UBE3B: variants seen among roughly 807,000 people sequenced by gnomAD.
The protein encoded by UBE3B is ubiquitin protein ligase E3B, also known as ubiquitin-protein ligase E3B.
UBE3B carries 80 observed loss-of-function variants against 132.3 expected under a neutral mutation model. The observed-to-expected ratio is 0.60, with a 90% CI of 0.50 to 0.73. The LOEUF (loss-of-function observed/expected upper bound fraction) is 0.73, where lower values mean the gene tolerates loss of function less well. UBE3B is among the 30% of genes least tolerant of loss of function. UBE3B has a pLI of 0.00. For synonymous variants in UBE3B, 487 were observed against 520.4 expected, an observed-to-expected ratio of 0.94 and a Z score of 0.87; for missense variants, 1,196 against 1,362.5, an observed-to-expected ratio of 0.88 and a Z score of 1.92.
intron 26 of UBE3B, among the ~76,000 whole-genome samples, chr12:109,533,025 G>A (rs1883104773): frequency 6.6e-6 from 1 of 152,190 alleles, no homozygotes; most frequent in Admixed American, 6.5e-5. Flanking sequence ...CACGTGCAGT[G>A]GGTGCCACCA....
At chr12:109,516,379 G>A (rs542146835) in intron 18 of UBE3B, among the ~76,000 whole-genome samples, 2 of 152,098 alleles carry the variant, frequency 1.3e-5, no homozygotes, top group South Asian at 4.1e-4. Flanking sequence ...GTTTCACCAT[G>A]TTGGCCAGGC....
chr12:109,518,517 G>A (rs752425436), intron 19 of UBE3B, among the ~76,000 whole-genome samples: 27 of 152,140 alleles, frequency 1.8e-4, no homozygotes, highest in Non-Finnish European at 2.6e-4. Context: ...TTGTGTGGTA[G>A]GGACTCCCTT....
intron 18 of UBE3B, among the ~76,000 whole-genome samples, chr12:109,516,167 C>CTTTTTTT (rs59084691): frequency 1.2e-3 from 111 of 91,098 alleles, no homozygotes; most frequent in African/African-American, 2.6e-3. Context: ...TCTTTTTTTT[C>CTTTTTTT]TTTTTTTTTT....
chr12:109,490,976 T>C, intron 8 of UBE3B, 69 bp from the exon 9 acceptor site: 1 of 1,525,602 alleles, frequency 6.6e-7, no homozygotes, highest in South Asian at 1.2e-5. Flanking sequence ...GTTTACTTTT[T>C]TGCTCTTTTA....
Position 109,535,856 on chromosome 12 carries a change from C to T in UBE3B, c.*1074C>T, listed in dbSNP as rs1481390025. 1 of 152,112 alleles carries T rather than the reference C, an allele frequency of 6.6e-6. No homozygotes were observed. Among genetic ancestry groups the T allele is most frequent in the Non-Finnish European group, 1.5e-5 (1 of 68,018 alleles). 9.4% of individuals were successfully genotyped at this position (152,112 alleles called of 1,614,324 possible). ...ATTTCTCTTCCAACCCATTGTGTTC[C>T]TCTGCCCTCATTCTTTACCTTTGTT... On this transcript the variant is annotated 3_prime_UTR_variant, in exon 28 of 28. Coordinates refer to ENST00000342494, the MANE Select transcript of UBE3B (RefSeq NM_130466.4).
At chr12:109,529,628 C>T (rs996209671) in intron 24 of UBE3B, among the ~76,000 whole-genome samples, 3 of 152,166 alleles carry the variant, frequency 2.0e-5, no homozygotes, top group South Asian at 2.1e-4. Flanking sequence ...GGGCTTACCC[C>T]GAGGTGTGAC....
At chr12:109,509,557 T>C (rs1258136216) in intron 15 of UBE3B, 39 bp from the exon 16 acceptor site, 2 of 1,433,262 alleles carry the variant, frequency 1.4e-6, no homozygotes, top group Admixed American at 2.2e-5. Flanking sequence ...TTCGCCTTTT[T>C]TCAGTGTGGA....
Position 109,533,553 on chromosome 12 carries a change from G to A in UBE3B, c.3010G>A (p.Asp1004Asn), listed in dbSNP as rs1170425925. 3.1e-6 allele frequency: 5 copies of A among 1,612,992 alleles called. No individual in the cohort carries two copies. The highest frequency in any genetic ancestry group is 1.3e-5 in the African/African-American group (1 of 74,846). ...FSIRCVEVSD[D>N]QDTGDTLGSV... ...CATCCGCTGCGTGGAGGTGTCGGAC[G>A]ATCAGGTACCCCCACGGGGTGGGTG... Residue 1004 changes from aspartate (D) to asparagine (N), a missense_variant, in exon 27 of 28, where the codon GAT becomes AAT. Transcript: ENST00000342494.
chr12:109,484,713 A>T (rs1229100244), intron 4 of UBE3B, among the ~76,000 whole-genome samples: 9 of 138,016 alleles, frequency 6.5e-5, no homozygotes, highest in Admixed American at 2.1e-4. Context: ...TTTTTTTTTT[A>T]AAGAGATGCC....
intron 24 of UBE3B, among the ~76,000 whole-genome samples, chr12:109,527,351 G>A (rs968974731): frequency 2.0e-5 from 3 of 152,222 alleles, no homozygotes; most frequent in African/African-American, 7.2e-5. Flanking sequence ...ATGAGAAGCA[G>A]ACATTGGCCC....
intron 2 of UBE3B, among the ~76,000 whole-genome samples, chr12:109,482,209 G>A (rs1278995495): frequency 6.6e-6 from 1 of 152,036 alleles, no homozygotes; most frequent in African/African-American, 2.4e-5. Context: ...TATGGATGTA[G>A]GGGGTACAGG....
chr12:109,524,581 T>C (rs1592961463), intron 23 of UBE3B, 78 bp downstream of exon 23: 2 of 1,507,240 alleles, frequency 1.3e-6, no homozygotes, highest in East Asian at 4.6e-5. Flanking sequence ...TTTGTTTTCC[T>C]CAGAAAGAGC....
rs1229203353 is a variant in UBE3B at position 109,534,231 on chromosome 12, C to T, written c.3016-360C>T. ...CATGGTCTGCCACCGGCCACAGCAC[C>T]GGTGAGGAGGGAGGAGTGCATTCAG... On this transcript the variant is annotated intron_variant, in intron 27 of 27. Transcript: ENST00000342494. The surrounding 1 kb of genome is among the most constrained non-coding windows in gnomAD (Gnocchi z 5.2). 6.4e-6 allele frequency: 8 copies of T among 1,249,394 alleles called. No individual in the cohort carries two copies. The highest frequency in any genetic ancestry group is 3.4e-5 in the Admixed American group (1 of 29,780). 77.4% of individuals were successfully genotyped at this position (1,249,394 alleles called of 1,614,324 possible).
intron 9 of UBE3B, among the ~76,000 whole-genome samples, chr12:109,496,292 A>G (rs1878198410): frequency 6.6e-6 from 1 of 152,190 alleles, no homozygotes; most frequent in South Asian, 2.1e-4. Context: ...TGGATATACC[A>G]CATTTGAGTT....
At chr12:109,508,560 C>A in intron 15 of UBE3B, 1 of 985,444 alleles carries the variant, frequency 1.0e-6, no homozygotes, top group South Asian at 4.7e-5. Context: ...ATACAATGGA[C>A]CTCAGGCAGT....
At chr12:109,543,919 G>A in the UBE3B span, among the ~76,000 whole-genome samples, 7 of 152,084 alleles carry the variant, frequency 4.6e-5, no homozygotes, top group African/African-American at 1.2e-4. Context: ...GCCTCTCAAA[G>A]CAAGCCTAGC....
chr12:109,509,805 G>A, intron 16 of UBE3B, 91 bp downstream of exon 16: 1 of 777,064 alleles, frequency 1.3e-6, no homozygotes, highest in Non-Finnish European at 2.1e-6. Context: ...TAGCTTTATT[G>A]TCTCTCCAAG....
downstream of UBE3B, among the ~76,000 whole-genome samples, chr12:109,538,691 G>C (rs1361377856): frequency 6.6e-6 from 1 of 152,204 alleles, no homozygotes; most frequent in Non-Finnish European, 1.5e-5. This position sits in a 1 kb window ranked among gnomAD's most constrained non-coding sequence, Gnocchi z 4.1. Context: ...TGCTGCTGCT[G>C]ATGATCCCAG....
rs1326086174 is a variant in UBE3B, at chr12:109,477,752, C to G, written c.-485C>G. ...GCCCCGACCCCAAGTGCGGGGACCT[C>G]CGGCGAATAAAGGTCGGCCTGCGGG... is the stretch of plus-strand genomic sequence containing the variant. On this transcript the variant is annotated 5_prime_UTR_variant, in exon 1 of 28. Coordinates refer to ENST00000342494, the MANE Select transcript of UBE3B (RefSeq NM_130466.4). 6.0e-6 allele frequency: 1 copy of G among 167,842 alleles called. No homozygotes were observed. The highest frequency in any genetic ancestry group is 2.4e-5 in the African/African-American group (1 of 41,764). 10.4% of individuals were successfully genotyped at this position (167,842 alleles called of 1,614,324 possible).
Sources: allele counts gnomAD v4.1 joint callset (sites outside exome capture counted in the v4.1 genomes callset), GRCh38; gene constraint gnomAD v4.1.1; non-coding constraint Gnocchi (gnomAD v3.1); transcripts MANE v1.5; gene names NCBI Gene and HGNC (gene_info 2026-07-23, HGNC 2026-07-21).